CTNNBL1: variants seen among roughly 807,000 people sequenced by gnomAD.
CTNNBL1 encodes the protein beta-catenin-like protein 1.
In CTNNBL1, 31 loss-of-function variants were observed where a neutral mutation model predicts 72.7. The ratio of observed to expected loss-of-function variants is 0.43; its 90% CI spans 0.32 to 0.58. CTNNBL1 has a LOEUF of 0.58. CTNNBL1 is among the 20% of genes least tolerant of loss of function. CTNNBL1 has a pLI of 0.08. For synonymous variants in CTNNBL1, 240 were observed against 267.3 expected (o/e 0.90, Z 1.00); for missense variants, 534 against 725.1 (o/e 0.74, Z 3.03).
At chr20:37,749,775 A>G (rs2073301697) in intron 4 of CTNNBL1, 1 of 152,004 alleles carries the variant, frequency 6.6e-6, no homozygotes, top group African/African-American at 2.4e-5. Flanking sequence ...CATCTACCAT[A>G]TCCTCTGTTG....
At chr20:37,747,923 G>A (rs1282254726) in intron 4 of CTNNBL1, among the ~76,000 whole-genome samples, 1 of 152,172 alleles carries the variant, frequency 6.6e-6, no homozygotes, top group Non-Finnish European at 1.5e-5. Flanking sequence ...CTTGGTAAAT[G>A]TTACTTGTCA....
chr20:37,823,568 A>G (rs2072130298), intron 11 of CTNNBL1, among the ~76,000 whole-genome samples: 2 of 152,178 alleles, frequency 1.3e-5, no homozygotes, highest in South Asian at 4.1e-4. Context: ...AAGAGCAGAA[A>G]GGCAGGACTG....
chr20:37,797,070 T>G, intron 10 of CTNNBL1, among the ~76,000 whole-genome samples: 1 of 152,194 alleles, frequency 6.6e-6, no homozygotes. Flanking sequence ...ACCATATTAG[T>G]AACTTGAAAT....
chr20:37,732,845 C>A, intron 1 of CTNNBL1, 34 bp from the exon 2 acceptor site: 1 of 1,601,374 alleles, frequency 6.2e-7, no homozygotes, highest in Non-Finnish European at 8.5e-7. Flanking sequence ...TATGTTGTAT[C>A]CAGCTCTAAA....
chr20:37,707,003 A>G (rs552991749), intron 1 of CTNNBL1, among the ~76,000 whole-genome samples: 2 of 152,168 alleles, frequency 1.3e-5, no homozygotes, highest in East Asian at 3.9e-4. Flanking sequence ...ATATTTTGGA[A>G]GAAATTTTTT....
intron 1 of CTNNBL1, among the ~76,000 whole-genome samples, chr20:37,726,842 G>A (rs905275788): frequency 6.6e-6 from 1 of 152,048 alleles, no homozygotes; most frequent in Non-Finnish European, 1.5e-5. Context: ...TTTATATTCT[G>A]ATACAAATGC....
intron 10 of CTNNBL1, among the ~76,000 whole-genome samples, chr20:37,790,285 A>G (rs238309): frequency 0.047 from 7,123 of 152,320 alleles, 237 homozygotes; most frequent in Middle Eastern, 0.2. Flanking sequence ...CCTAATGAAC[A>G]TCGGAAGGTC....
intron 1 of CTNNBL1, among the ~76,000 whole-genome samples, chr20:37,719,320 G>C (rs1054594846): frequency 6.6e-6 from 1 of 152,088 alleles, no homozygotes; most frequent in Non-Finnish European, 1.5e-5. Context: ...GGTTTAACTT[G>C]TCCTCTTCCC....
chr20:37,730,384 C>T (rs979433821), intron 1 of CTNNBL1, among the ~76,000 whole-genome samples: 1 of 152,304 alleles, frequency 6.6e-6, no homozygotes, highest in Non-Finnish European at 1.5e-5. Context: ...TGGATTACCT[C>T]ACAGTGATGA....
chr20:37,712,625 A>G (rs560834540), intron 1 of CTNNBL1, among the ~76,000 whole-genome samples: 72 of 152,352 alleles, frequency 4.7e-4, no homozygotes, highest in Admixed American at 2.4e-3. Context: ...TCAAAATAAT[A>G]CTAATACAAA....
At chr20:37,706,745 A>C (rs1339515445) in intron 1 of CTNNBL1, among the ~76,000 whole-genome samples, 6 of 152,248 alleles carry the variant, frequency 3.9e-5, no homozygotes, top group Non-Finnish European at 8.8e-5. Flanking sequence ...CTAGAATGAT[A>C]AATCTTTTCC....
At chr20:37,750,145 C>G (rs2073305320) in intron 4 of CTNNBL1, 2 of 152,194 alleles carry the variant, frequency 1.3e-5, no homozygotes, top group Non-Finnish European at 2.9e-5. Flanking sequence ...CAGCTTGTGC[C>G]TCATCCTTTC....
chr20:37,743,642 A>G (rs1039968942), intron 3 of CTNNBL1, among the ~76,000 whole-genome samples: 3 of 152,212 alleles, frequency 2.0e-5, no homozygotes, highest in Non-Finnish European at 4.4e-5. Flanking sequence ...AGACGAATCA[A>G]TGAAATGGAG....
At position 37,777,751 on chromosome 20, in the gene CTNNBL1, A is replaced by G. The variant is rs371748288; in HGVS notation, c.882+39A>G. ...ATGCTTCCTGTCTGCTGTAAGATACATGGTCTGCTTTGAATGGGAGGTGGA... is the reference window on the plus strand; with the variant it reads ...ATGCTTCCTGTCTGCTGTAAGATACGTGGTCTGCTTTGAATGGGAGGTGGA... On this transcript the variant is annotated intron_variant, in intron 9 of 15. Transcript: ENST00000361383. The G allele has an allele frequency of 8.1e-6, 13 of 1,598,314 alleles. No homozygotes were observed. The African/African-American group carries it at 1.6e-4, about 20-fold the overall frequency.
chr20:37,773,280 T>A (rs1469195811), intron 7 of CTNNBL1, among the ~76,000 whole-genome samples: 1 of 152,230 alleles, frequency 6.6e-6, no homozygotes, highest in African/African-American at 2.4e-5. Flanking sequence ...ACCTGCCCCA[T>A]GTGTTCCAGG....
At chr20:37,804,667 G>T (rs923439122) in intron 11 of CTNNBL1, among the ~76,000 whole-genome samples, 9 of 152,204 alleles carry the variant, frequency 5.9e-5, no homozygotes, top group African/African-American at 2.2e-4. Context: ...TGACCTGCTG[G>T]GTTCCACTGA....
chr20:37,781,980 A>C (rs2122697187), intron 10 of CTNNBL1, among the ~76,000 whole-genome samples: 1 of 152,276 alleles, frequency 6.6e-6, no homozygotes, highest in South Asian at 2.1e-4. Flanking sequence ...GAGTTACTTT[A>C]ACCTTTGTGA....
At chr20:37,781,592 C>CT (rs758838307) in intron 10 of CTNNBL1, among the ~76,000 whole-genome samples, 4 of 152,096 alleles carry the variant, frequency 2.6e-5, no homozygotes, top group African/African-American at 9.7e-5. Flanking sequence ...TCAGCATTTC[C>CT]TTTTTTCTCA....
chr20:37,844,008 A>G (rs2072326527), intron 13 of CTNNBL1, among the ~76,000 whole-genome samples: 2 of 152,126 alleles, frequency 1.3e-5, no homozygotes, highest in Admixed American at 1.3e-4. Context: ...CTTTAATTAA[A>G]CTTTCCGTTT....
Sources: gnomAD v4.1 joint callset for allele counts (sites outside exome capture counted in the v4.1 genomes callset) on GRCh38, gnomAD v4.1.1 for gene constraint, MANE v1.5 for transcripts, NCBI Gene and HGNC (gene_info 2026-07-23, HGNC 2026-07-21) for gene names.